Variants in FOXP1 observed in about 807,000 individuals in gnomAD.
FOXP1 encodes the protein forkhead box P1.
A neutral mutation model predicts 98.2 loss-of-function variants in FOXP1; 15 were observed. The observed-to-expected ratio is 0.15, with a 90% CI of 0.10 to 0.24. The LOEUF is 0.24. FOXP1 is among the 10% of genes least tolerant of loss of function. The pLI, the probability that FOXP1 is intolerant of heterozygous loss-of-function variation, is 1.00. For missense variants in FOXP1, 633 were observed against 848.5 expected (o/e 0.75, Z 3.15); for synonymous variants, 371 against 314.5 (o/e 1.18, Z -1.90).
At chr3:71,136,021 C>A (rs375018045) in intron 6 of FOXP1, among the ~76,000 whole-genome samples, 1 of 152,176 alleles carries the variant, frequency 6.6e-6, no homozygotes, top group Non-Finnish European at 1.5e-5. Flanking sequence ...AAGTTGGGAG[C>A]GCAGGACCAA....
intron 2 of FOXP1, among the ~76,000 whole-genome samples, chr3:71,531,972 C>T (rs992106749): frequency 6.6e-6 from 1 of 152,236 alleles, no homozygotes; most frequent in Non-Finnish European, 1.5e-5. Context: ...TCCACATGCT[C>T]AATTCTACAA....
intron 2 of FOXP1, among the ~76,000 whole-genome samples, chr3:71,519,915 T>C (rs903092007): frequency 3.3e-5 from 5 of 152,202 alleles, no homozygotes; most frequent in African/African-American, 1.2e-4. Flanking sequence ...GTCCCTCCCA[T>C]AAAGGGGCCA....
chr3:71,515,432 G>T (rs1348887912), intron 2 of FOXP1, among the ~76,000 whole-genome samples: 2 of 8,182 alleles, frequency 2.4e-4, no homozygotes, highest in Admixed American at 1.1e-3. Flanking sequence ...AATTTACACA[G>T]CAAAAAAAAA....
At chr3:71,064,728 C>CG (rs1368463945) in intron 7 of FOXP1, 38 of 844,754 alleles carry the variant, frequency 4.5e-5, no homozygotes, top group African/African-American at 5.5e-5. Flanking sequence ...AACCCTCGGG[C>CG]TCTCCTGCCT....
rs115632947 is a variant in FOXP1 at position 71,107,394 on chromosome 3, A to G, written c.282+5142T>C. The stretch of plus-strand genomic sequence containing the variant: ...GGGAGGAGGGGTCACTGTTTCTATC[A>G]TATTTGTAATGGTGCATGTAATCAG... On this transcript the variant is annotated intron_variant, in intron 7 of 20. Coordinates refer to ENST00000649528, the MANE Select transcript of FOXP1 (RefSeq NM_001349338.3). 3.8e-3 allele frequency among the ~76,000 whole-genome samples: 580 copies of G among 152,256 alleles called. 1 individual carries two copies. Among genetic ancestry groups the G allele is most frequent in the African/African-American group, 0.013 (558 of 41,546 alleles).
intron 5 of FOXP1, among the ~76,000 whole-genome samples, chr3:71,262,481 C>T (rs1460369814): frequency 6.6e-6 from 1 of 151,760 alleles, no homozygotes; most frequent in Non-Finnish European, 1.5e-5. Flanking sequence ...TCATGGTTTA[C>T]TTCCAACATC....
intron 7 of FOXP1, among the ~76,000 whole-genome samples, chr3:71,109,784 C>G (rs1326621834): frequency 1.3e-5 from 2 of 152,124 alleles, no homozygotes; most frequent in Non-Finnish European, 2.9e-5. Context: ...CCTAATAAAG[C>G]TTACTGAATG....
At position 71,041,491 on chromosome 3, in the gene FOXP1, T is replaced by A. The variant is rs1207635648; in HGVS notation, c.706A>T (p.Thr236Ser). The change falls in exon 11 of 21, where the codon ACA (threonine) becomes TCA (serine). Residue 236 changes from threonine to serine, a missense_variant. Thr to Ser is a moderately conservative substitution (Grantham distance 58). This residue lies in a region of FOXP1 where 210 missense variants were observed against 270.6 expected (regional missense o/e 0.78). Coordinates refer to ENST00000649528, the MANE Select transcript of FOXP1 (RefSeq NM_001349338.3). Reference sequence around the variant, plus strand: ...GTTTCTTCTGCAGTATGAGCACTTGTCACTTCTTTCCAGAGCTGCTGCAGT... The same window carrying A: ...GTTTCTTCTGCAGTATGAGCACTTGACACTTCTTTCCAGAGCTGCTGCAGT... ...TELQQLWKEV[T>S]SAHTAEETTG... The A allele has an allele frequency of 1.1e-5, 17 of 1,613,884 alleles. No individual in the cohort carries two copies. The highest frequency in any genetic ancestry group is 1.4e-5 in the Non-Finnish European group (16 of 1,179,826).
intron 4 of FOXP1, among the ~76,000 whole-genome samples, chr3:71,351,551 A>C (rs1172384210): frequency 6.6e-6 from 1 of 152,250 alleles, no homozygotes; most frequent in Non-Finnish European, 1.5e-5. Context: ...TAAACCTATA[A>C]TTCTACTGAC....
At chr3:71,580,980 G>A (rs2048117988) in intron 2 of FOXP1, 1 of 985,270 alleles carries the variant, frequency 1.0e-6, no homozygotes, top group Non-Finnish European at 1.2e-6. Flanking sequence ...CCTCAGAAGT[G>A]GACTGCATAA....
intron 3 of FOXP1, among the ~76,000 whole-genome samples, chr3:71,444,428 CA>C (rs1338218469): frequency 2.0e-5 from 3 of 151,180 alleles, no homozygotes; most frequent in Non-Finnish European, 2.9e-5. Context: ...GAACTTCCTG[CA>C]AGAAACCGCA....
chr3:71,039,696 T>C lies in FOXP1; in HGVS notation c.869+1632A>G, dbSNP rs141447233. Among the ~76,000 whole-genome samples the C allele has an allele frequency of 1.2e-3, 184 of 150,006 alleles. 1 individual carries two copies. The East Asian group carries it at 0.034, about 28-fold the overall frequency. ...TCAACCTTAGGGCATCAAAACCAAG[T>C]ATAGCAAAGGACAACAGCCTAGAAC... On this transcript the variant is annotated intron_variant, in intron 11 of 20. Coordinates refer to ENST00000649528, the MANE Select transcript of FOXP1 (RefSeq NM_001349338.3).
intron 4 of FOXP1, among the ~76,000 whole-genome samples, chr3:71,308,259 A>G (rs778526162): frequency 1.1e-4 from 16 of 152,220 alleles, no homozygotes; most frequent in Non-Finnish European, 2.2e-4. Flanking sequence ...TTATCAGTGG[A>G]AAATAATAAC....
intron 11 of FOXP1, among the ~76,000 whole-genome samples, chr3:71,019,630 G>A (rs1464576240): frequency 6.6e-6 from 1 of 152,084 alleles, no homozygotes; most frequent in African/African-American, 2.4e-5. Context: ...AGGAGTTTGA[G>A]ACCTGCCTGG....
At chr3:71,140,609 A>G (rs1202239054) in intron 6 of FOXP1, among the ~76,000 whole-genome samples, 2 of 152,190 alleles carry the variant, frequency 1.3e-5, no homozygotes, top group Non-Finnish European at 2.9e-5. Context: ...TATCCTTCCA[A>G]TGACTTTTCA....
intron 3 of FOXP1, among the ~76,000 whole-genome samples, chr3:71,456,252 A>G (rs11709248): frequency 0.29 from 44,264 of 151,784 alleles, 6,528 homozygotes; most frequent in Middle Eastern, 0.36. Flanking sequence ...ACAACAGAGA[A>G]AGAGAGAGAG....
rs1434037924 is a variant in FOXP1, at chr3:71,482,856, C to T, written c.-168+10570G>A. On this transcript the variant is annotated intron_variant, in intron 3 of 20. Transcript: ENST00000649528. ...TCACTTTTTTTTTTTTTTAGACCAA[C>T]GTCTGGCTCTGTCACCCAGGCTTGA... is the stretch of plus-strand genomic sequence containing the variant. 1.6e-4 allele frequency among the ~76,000 whole-genome samples: 24 copies of T among 149,712 alleles called. 2 individuals are homozygous for T. Among genetic ancestry groups the T allele is most frequent in the Admixed American group, 1.0e-3 (15 of 14,996 alleles).
intron 2 of FOXP1, among the ~76,000 whole-genome samples, chr3:71,534,089 C>T (rs1257803442): frequency 6.6e-6 from 1 of 152,162 alleles, no homozygotes; most frequent in Non-Finnish European, 1.5e-5. Flanking sequence ...GGCAGCTGTG[C>T]GCGGTGGCAA....
chr3:71,281,059 A>AAAAAAAAAAAAAAAAAAG (rs2071499948), intron 5 of FOXP1, among the ~76,000 whole-genome samples: 1 of 148,336 alleles, frequency 6.7e-6, no homozygotes, highest in African/African-American at 2.5e-5. Flanking sequence ...AAAAAAAAAA[A>AAAAAAAAAAAAAAAAAAG]AAGAAGAAGA....
Sources: allele counts gnomAD v4.1 joint callset (sites outside exome capture counted in the v4.1 genomes callset), GRCh38; gene constraint gnomAD v4.1.1; regional missense constraint gnomAD v4.1.1; transcripts MANE v1.5; gene names NCBI Gene and HGNC (gene_info 2026-07-23, HGNC 2026-07-21).